Variants in PRRC2C observed in about 807,000 individuals in gnomAD.
PRRC2C encodes protein PRRC2C.
In PRRC2C, 72 loss-of-function variants were observed where a neutral mutation model predicts 317.2. The ratio of observed to expected loss-of-function variants is 0.23; its 90% CI spans 0.19 to 0.28. The LOEUF is 0.28. PRRC2C is among the 10% of genes least tolerant of loss of function. The pLI is 1.00. For synonymous variants in PRRC2C, 1,296 were observed against 1,205.9 expected (o/e 1.07, Z -1.55); for missense variants, 3,074 against 3,459.7 (o/e 0.89, Z 2.80).
intron 28 of PRRC2C, among the ~76,000 whole-genome samples, chr1:171,582,136 G>A (rs540268999): frequency 6.6e-6 from 1 of 152,272 alleles, no homozygotes; most frequent in East Asian, 1.9e-4. Flanking sequence ...TATATGTGGG[G>A]AAGTAATGAA....
chr1:171,535,704 C>A, intron 13 of PRRC2C, 107 bp downstream of exon 13: 1 of 1,293,102 alleles, frequency 7.7e-7, no homozygotes, highest in Non-Finnish European at 1.1e-6. Flanking sequence ...ACACAAAGTT[C>A]CCTTGAAATT....
chr1:171,523,154 C>A, intron 7 of PRRC2C, 67 bp from the exon 8 acceptor site: 1 of 1,388,872 alleles, frequency 7.2e-7, no homozygotes, highest in Non-Finnish European at 9.7e-7. Context: ...AAATTCCAAT[C>A]TTTTAGTATT....
chr1:171,512,165 A>T lies in PRRC2C; in HGVS notation c.77A>T (p.Tyr26Phe), dbSNP rs143515117. ...KYATLSLFNT[Y>F]KGKSLETQKT... ...GCAACACTCAGTTTATTTAATACTT[A>T]CAAGGGGAAATCATTAGAAACACAG... Residue 26 changes from tyrosine to phenylalanine, a missense_variant, in exon 2 of 35, where the codon TAC becomes TTC. Tyr to Phe is a conservative substitution (Grantham distance 22, BLOSUM62 3). Coordinates refer to ENST00000647382, the MANE Select transcript of PRRC2C (RefSeq NM_001387844.1). 83 of 1,578,870 alleles carry T rather than the reference A, an allele frequency of 5.3e-5. No homozygotes were observed. The highest frequency in any genetic ancestry group is 7.1e-5 in the Non-Finnish European group (83 of 1,161,362).
intron 12 of PRRC2C, among the ~76,000 whole-genome samples, chr1:171,533,982 AT>A (rs2102437275): frequency 6.6e-6 from 1 of 152,184 alleles, no homozygotes; most frequent in Admixed American, 6.5e-5. Flanking sequence ...ATTTCAGTGT[AT>A]TTTCTGATGT....
intron 18 of PRRC2C, among the ~76,000 whole-genome samples, chr1:171,550,609 C>A (rs1680022703): frequency 8.9e-6 from 1 of 112,534 alleles, no homozygotes. Flanking sequence ...TAATGCTATC[C>A]CTCCCCCCTC....
rs751335965 is a variant in PRRC2C at position 171,542,068 on chromosome 1, A to G, written c.4602A>G (p.Leu1534=). ...TTGTAAAGGTTGGAGAGAATGTTCT[A>G]CCTCCAAAGAGGGAAATTGCAAAGA... ...QTVVKVGENV[L]PPKREIAKRS... The change falls in exon 16 of 35, where the codon CTA becomes CTG. Residue 1534 remains leucine, a synonymous_variant. Coordinates refer to ENST00000647382, the MANE Select transcript of PRRC2C (RefSeq NM_001387844.1). 3.1e-6 allele frequency: 5 copies of G among 1,613,940 alleles called. No individual in the cohort carries two copies. The highest frequency in any genetic ancestry group is 2.2e-5 in the South Asian group (2 of 91,072).
intron 5 of PRRC2C, among the ~76,000 whole-genome samples, chr1:171,516,328 G>A (rs539802174): frequency 4.9e-4 from 74 of 152,170 alleles, no homozygotes; most frequent in South Asian, 3.5e-3. Context: ...AATGTTCGAG[G>A]GATTTTTAAA....
intron 16 of PRRC2C, among the ~76,000 whole-genome samples, chr1:171,543,322 CAAA>C (rs1214982713): frequency 7.9e-5 from 5 of 63,002 alleles, no homozygotes; most frequent in African/African-American, 1.2e-4. Flanking sequence ...GACTCCGTCT[CAAA>C]AAAAAAAAAA....
chr1:171,486,295 C>T (rs1169792348), intron 1 of PRRC2C, among the ~76,000 whole-genome samples: 9 of 151,888 alleles, frequency 5.9e-5, no homozygotes, highest in Admixed American at 4.6e-4. Context: ...CAAGACCAAC[C>T]CTACTTCCGC....
chr1:171,573,678 T>C (rs906134608), intron 24 of PRRC2C, among the ~76,000 whole-genome samples: 1 of 135,442 alleles, frequency 7.4e-6, no homozygotes, highest in Non-Finnish European at 1.6e-5. Flanking sequence ...AAATTCTTTT[T>C]TTTTTTTTTT....
chr1:171,559,515 T>A (rs969274489), intron 19 of PRRC2C, among the ~76,000 whole-genome samples: 2 of 31,780 alleles, frequency 6.3e-5, no homozygotes, highest in Non-Finnish European at 1.3e-4. Flanking sequence ...GTTTGTTTTT[T>A]TTTTTTTTTT....
chr1:171,486,883 G>A (rs980684302), intron 1 of PRRC2C, among the ~76,000 whole-genome samples: 6 of 152,180 alleles, frequency 3.9e-5, no homozygotes, highest in African/African-American at 1.4e-4. Context: ...TGGTAATTAA[G>A]ATGCTGCTTT....
Position 171,540,114 on chromosome 1 carries a change from A to T in PRRC2C, c.2648A>T (p.Asp883Val), listed in dbSNP as rs1166129147. The change falls in exon 16 of 35, where the codon GAT (aspartate) becomes GTT (valine). Residue 883 changes from aspartate to valine, a missense_variant. Around this residue, in one of 11 missense-constraint regions of PRRC2C, gnomAD observed 1,320 missense variants for 1,395.7 expected, o/e 0.95. Transcript: ENST00000647382. ...AAGTTTTTAAGCAGATCTGTGGAAG[A>T]TGTTAGACCTCACCATACTGATGCA... ...VQKFLSRSVE[D>V]VRPHHTDANN... 6.2e-7 allele frequency: 1 copy of T among 1,614,010 alleles called. No individual in the cohort carries two copies. The highest frequency in any genetic ancestry group is 8.5e-7 in the Non-Finnish European group (1 of 1,179,886).
In PRRC2C at chr1:171,550,204, T is replaced by G. The variant is rs1460103768; in HGVS notation, c.5091T>G (p.Asp1697Glu). 2 of 1,604,584 alleles carry G rather than the reference T, an allele frequency of 1.2e-6. No individual in the cohort carries two copies. The highest frequency in any genetic ancestry group is 1.7e-6 in the Non-Finnish European group (2 of 1,175,346). The stretch of plus-strand genomic sequence containing the variant: ...AAAAACAACAAAAACGTTTACAGGA[T>G]GAAGAACGCCGAAAGAAGGAAGAAC... ...VSKKQQKRLQ[D>E]EERRKKEEQV... The change falls in exon 18 of 35, where the codon GAT becomes GAG. Residue 1697 changes from aspartate to glutamate, a missense_variant. Coordinates refer to ENST00000647382, the MANE Select transcript of PRRC2C (RefSeq NM_001387844.1).
intron 10 of PRRC2C, among the ~76,000 whole-genome samples, chr1:171,526,954 T>C (rs1208048277): frequency 6.9e-6 from 1 of 145,684 alleles, no homozygotes; most frequent in African/African-American, 2.6e-5. Flanking sequence ...GATTACAGGC[T>C]CCTGCCCCCA....
At chr1:171,521,625 A>C (rs755747791) in intron 6 of PRRC2C, among the ~76,000 whole-genome samples, 1 of 151,872 alleles carries the variant, frequency 6.6e-6, no homozygotes, top group Non-Finnish European at 1.5e-5. Context: ...TGCCACCCCT[A>C]CATTTTTCTT....
intron 6 of PRRC2C, among the ~76,000 whole-genome samples, chr1:171,521,770 G>T (rs1045042198): frequency 6.6e-6 from 1 of 152,082 alleles, no homozygotes; most frequent in African/African-American, 2.4e-5. Context: ...GTTTGCTAGG[G>T]TGCATGTGTG....
intron 28 of PRRC2C, among the ~76,000 whole-genome samples, chr1:171,581,179 TTAGAAGCCCCAAC>T (rs1648502013): frequency 6.6e-6 from 1 of 152,236 alleles, no homozygotes; most frequent in Non-Finnish European, 1.5e-5. Flanking sequence ...TTTTCTCCCG[TTAGAAGCCCCAAC>T]TAGAAGCTAA....
At position 171,571,321 on chromosome 1, in the gene PRRC2C, T is replaced by G; in HGVS notation, c.6653T>G (p.Val2218Gly). Residue 2218 changes from valine (V) to glycine (G), a missense_variant and splice_region_variant, in exon 24 of 35, where the codon GTG becomes GGG. Physicochemically the swap from Val to Gly is moderately radical, Grantham distance 109. Coordinates refer to ENST00000647382, the MANE Select transcript of PRRC2C (RefSeq NM_001387844.1). ...TKMEDTLVNN[V>G]PLPNTLPLPK... ...GATATGTGTTGCCTACCTTTTCAGG[T>G]GCCCCTGCCCAACACCCTTCCCCTC... The G allele has an allele frequency of 3.1e-6, 5 of 1,591,106 alleles. No individual in the cohort carries two copies. The highest frequency in any genetic ancestry group is 3.4e-6 in the Non-Finnish European group (4 of 1,159,520).
Sources: allele counts gnomAD v4.1 joint callset (sites outside exome capture counted in the v4.1 genomes callset), GRCh38; gene constraint gnomAD v4.1.1; regional missense constraint gnomAD v4.1.1; transcripts MANE v1.5; gene names NCBI Gene and HGNC (gene_info 2026-07-23, HGNC 2026-07-21).